The following FGD5 variants were observed in gnomAD, a reference collection of about 807,000 sequenced individuals.
FGD5 encodes the protein FYVE, RhoGEF and PH domain-containing protein 5.
FGD5 carries 28 observed loss-of-function variants against 133.4 expected under a neutral mutation model. The ratio of observed to expected loss-of-function variants is 0.21; its 90% CI spans 0.16 to 0.29. The LOEUF (loss-of-function observed/expected upper bound fraction) is 0.29. Among genes scored for constraint, FGD5 ranks in the 10% least tolerant of loss-of-function variants. The pLI is 1.00. For missense variants in FGD5, 1,858 were observed against 1,895.2 expected, an observed-to-expected ratio of 0.98 and a Z score of 0.36; for synonymous variants, 810 against 776.5, an observed-to-expected ratio of 1.04 and a Z score of -0.72.
intron 18 of FGD5, among the ~76,000 whole-genome samples, chr3:14,928,588 T>G (rs1050491351): frequency 2.0e-5 from 3 of 151,916 alleles, no homozygotes; most frequent in African/African-American, 7.3e-5. Flanking sequence ...CTACTAAAAA[T>G]ACAAAAATTA....
In FGD5 at chr3:14,917,321, G is replaced by A. The variant is rs1474908500; in HGVS notation, c.3478G>A (p.Ala1160Thr). ...CCGGCTGAAGAACACATTGGCTGTG[G>A]CCAACATGAAGGTAAATATCTGGTG... ...KYRLKNTLAV[A>T]NMKVSRPVME... The change falls in exon 12 of 20, where the codon GCC becomes ACC. Residue 1160 changes from alanine (A) to threonine (T), a missense_variant. Physicochemically the swap from Ala to Thr is moderately conservative, Grantham distance 58. Transcript: ENST00000285046. The surrounding 1 kb of genome is among the most constrained non-coding windows in gnomAD (Gnocchi z 4.1). 2 of 1,613,018 alleles carry A rather than the reference G, an allele frequency of 1.2e-6. No homozygotes were observed. Among genetic ancestry groups the A allele is most frequent in the Admixed American group, 1.7e-5 (1 of 59,908 alleles).
At chr3:14,873,980 G>A (rs982254080) in intron 2 of FGD5, among the ~76,000 whole-genome samples, 4 of 151,950 alleles carry the variant, frequency 2.6e-5, no homozygotes, top group Admixed American at 1.3e-4. Flanking sequence ...CCTTGGCCTC[G>A]CAAAGTGCTG....
chr3:14,905,343 C>T (rs1301787046), intron 9 of FGD5, among the ~76,000 whole-genome samples: 5 of 151,946 alleles, frequency 3.3e-5, no homozygotes, highest in African/African-American at 1.2e-4. Context: ...GGCTGTGATG[C>T]GTCTGTGTGT....
At chr3:14,847,153 C>T (rs2037066677) in intron 1 of FGD5, among the ~76,000 whole-genome samples, 1 of 152,156 alleles carries the variant, frequency 6.6e-6, no homozygotes, top group Non-Finnish European at 1.5e-5. Context: ...CAGGGCTTAT[C>T]CTCGAAGATG....
At position 14,922,941 on chromosome 3, in the gene FGD5, C is replaced by T. The variant is rs2038714982; in HGVS notation, c.3808-105C>T. 6.6e-7 allele frequency: 1 copy of T among 1,521,770 alleles called. No individual in the cohort carries two copies. The highest frequency in any genetic ancestry group is 9.0e-7 in the Non-Finnish European group (1 of 1,111,214). 94.3% of individuals were successfully genotyped at this position (1,521,770 alleles called of 1,614,324 possible). On this transcript the variant is annotated intron_variant, in intron 15 of 19. Coordinates refer to ENST00000285046, the MANE Select transcript of FGD5 (RefSeq NM_152536.4). This position sits in a 1 kb window ranked among gnomAD's most constrained non-coding sequence, Gnocchi z 4.1. ...CTCCATGATCAGAACCTGGGGCTCCCTAGGGGCAGTTGTGGGTGGATTAGC... is the reference window on the plus strand; with the variant it reads ...CTCCATGATCAGAACCTGGGGCTCCTTAGGGGCAGTTGTGGGTGGATTAGC...
chr3:14,905,036 C>T (rs1052127817), intron 9 of FGD5, among the ~76,000 whole-genome samples: 1 of 151,862 alleles, frequency 6.6e-6, no homozygotes, highest in Admixed American at 6.6e-5. Flanking sequence ...TAATCATGAC[C>T]ACACTAGCCT....
At chr3:14,884,318 C>T (rs1262034994) in intron 4 of FGD5, among the ~76,000 whole-genome samples, 3 of 152,182 alleles carry the variant, frequency 2.0e-5, no homozygotes, top group Non-Finnish European at 2.9e-5. Flanking sequence ...TGGGAGATAA[C>T]TCTGGAAGTT....
At chr3:14,919,319 A>G (rs757223723) in intron 13 of FGD5, among the ~76,000 whole-genome samples, 6 of 152,208 alleles carry the variant, frequency 3.9e-5, no homozygotes, top group Non-Finnish European at 8.8e-5. Flanking sequence ...CATTCAGGCC[A>G]CTATAACAAA....
intron 12 of FGD5, 122 bp from the exon 13 acceptor site, chr3:14,918,632 C>T: frequency 1.1e-6 from 1 of 943,216 alleles, no homozygotes; most frequent in Non-Finnish European, 1.6e-6. Flanking sequence ...AAAGGTATGC[C>T]CTGAGGCTAG....
chr3:14,891,181 G>T (rs563429690), intron 4 of FGD5, among the ~76,000 whole-genome samples: 172 of 152,292 alleles, frequency 1.1e-3, no homozygotes, highest in Non-Finnish European at 6.0e-4. Flanking sequence ...TAAATATGGA[G>T]ACTCACGGGG....
intron 4 of FGD5, among the ~76,000 whole-genome samples, chr3:14,893,199 G>A (rs1203819577): frequency 2.6e-5 from 4 of 152,118 alleles, no homozygotes; most frequent in African/African-American, 9.7e-5. Context: ...CATCATAGAT[G>A]TACATAGTTT....
At chr3:14,886,622 C>G (rs1230915818) in intron 4 of FGD5, among the ~76,000 whole-genome samples, 2 of 152,214 alleles carry the variant, frequency 1.3e-5, no homozygotes, top group Non-Finnish European at 2.9e-5. Context: ...GTACTTCCCT[C>G]CTCTGCACTC....
In FGD5 at chr3:14,820,399, GAGA is replaced by G; in HGVS notation, c.1331_1333del (p.Glu444del). On this transcript the variant is annotated inframe_deletion, in exon 1 of 20. Transcript: ENST00000285046. ...GGCCTGCCCGGTCAGGCGGCCCCTG[GAGA>G]AGGAGGGCAGGCTGCATCGGACGCC... 1 of 1,613,978 alleles carries G rather than the reference GAGA, an allele frequency of 6.2e-7. No individual in the cohort carries two copies. Among genetic ancestry groups the G allele is most frequent in the African/African-American group, 1.3e-5 (1 of 75,048 alleles).
intron 1 of FGD5, among the ~76,000 whole-genome samples, chr3:14,854,389 T>TTTTTTTTATTTATTTA (rs1215206630): frequency 1.1e-4 from 15 of 137,560 alleles, no homozygotes; most frequent in Non-Finnish European, 2.2e-4. Context: ...TTTCTTTTCT[T>TTTTTTTTATTTATTTA]TTTATTTATT....
At chr3:14,844,280 T>C (rs538857611) in intron 1 of FGD5, among the ~76,000 whole-genome samples, 6 of 101,834 alleles carry the variant, frequency 5.9e-5, no homozygotes, top group African/African-American at 1.8e-4. Flanking sequence ...ATAATGCAGG[T>C]TTCCAGGCCC....
chr3:14,928,230 C>G (rs968146749), intron 18 of FGD5, among the ~76,000 whole-genome samples: 2 of 134,462 alleles, frequency 1.5e-5, no homozygotes, highest in African/African-American at 5.1e-5. Context: ...TGAGCCACCA[C>G]ACCTGGCCAA....
intron 1 of FGD5, among the ~76,000 whole-genome samples, chr3:14,822,089 ACT>A (rs2036515858): frequency 6.6e-6 from 1 of 151,826 alleles, no homozygotes; most frequent in South Asian, 2.1e-4. Flanking sequence ...ATAGAGCGAG[ACT>A]CTGTCTAAAA....
At chr3:14,875,619 A>G (rs2037702688) in intron 2 of FGD5, among the ~76,000 whole-genome samples, 1 of 152,128 alleles carries the variant, frequency 6.6e-6, no homozygotes, top group African/African-American at 2.4e-5. Flanking sequence ...TGCAGGTGAC[A>G]GAAGGAGGCT....
chr3:14,842,848 G>A (rs1575201920), intron 1 of FGD5, among the ~76,000 whole-genome samples: 1 of 152,198 alleles, frequency 6.6e-6, no homozygotes, highest in African/African-American at 2.4e-5. Flanking sequence ...TGTGTGTTGG[G>A]TGTGAGAATG....
Sources: gnomAD v4.1 joint callset for allele counts (sites outside exome capture counted in the v4.1 genomes callset) on GRCh38, gnomAD v4.1.1 for gene constraint, Gnocchi (gnomAD v3.1) non-coding constraint, MANE v1.5 for transcripts, NCBI Gene and HGNC (gene_info 2026-07-23, HGNC 2026-07-21) for gene names.